MAML2: variants seen among roughly 807,000 people sequenced by gnomAD.
MAML2 encodes mastermind-like protein 2.
Under a neutral mutation model 96.1 loss-of-function variants are expected in MAML2, and 22 were observed. The ratio of observed to expected loss-of-function variants is 0.23; its 90% CI spans 0.16 to 0.33. The LOEUF (loss-of-function observed/expected upper bound fraction) is 0.33, where lower values mean the gene tolerates loss of function less well. Among genes scored for constraint, MAML2 ranks in the 10% least tolerant of loss-of-function variants. The pLI, the probability that MAML2 is intolerant of heterozygous loss-of-function variation, is 1.00. For synonymous variants in MAML2, 561 were observed against 521.3 expected (o/e 1.08, Z -1.04); for missense variants, 1,367 against 1,392.4 (o/e 0.98, Z 0.29).
chr11:96,025,618 A>G (rs576820265), intron 2 of MAML2, among the ~76,000 whole-genome samples: 1 of 152,348 alleles, frequency 6.6e-6, no homozygotes, highest in Admixed American at 6.5e-5. Context: ...CAATGGCACA[A>G]TCTCGGCTCA....
intron 1 of MAML2, among the ~76,000 whole-genome samples, chr11:96,243,323 G>C (rs1862462317): frequency 6.6e-6 from 1 of 152,154 alleles, no homozygotes; most frequent in South Asian, 2.1e-4. Flanking sequence ...CAAGGAGGCG[G>C]GGGAGGCGGG....
intron 1 of MAML2, among the ~76,000 whole-genome samples, chr11:96,317,445 G>T (rs1225761194): frequency 6.6e-6 from 1 of 152,130 alleles, no homozygotes; most frequent in Non-Finnish European, 1.5e-5. Context: ...TAGAGGCCCG[G>T]GAAATTATGA....
chr11:96,196,895 TC>T (rs1861741140), intron 1 of MAML2, among the ~76,000 whole-genome samples: 1 of 151,444 alleles, frequency 6.6e-6, no homozygotes, highest in East Asian at 1.9e-4. Flanking sequence ...TTTTTTTTTT[TC>T]AATAGGAGCC....
intron 2 of MAML2, among the ~76,000 whole-genome samples, chr11:96,060,222 T>A (rs1289770310): frequency 6.6e-6 from 1 of 152,230 alleles, no homozygotes; most frequent in East Asian, 1.9e-4. Flanking sequence ...AAATGTATGA[T>A]TAAATTTTCT....
chr11:96,036,389 T>C (rs1397655015), intron 2 of MAML2, among the ~76,000 whole-genome samples: 1 of 152,168 alleles, frequency 6.6e-6, no homozygotes, highest in Non-Finnish European at 1.5e-5. Flanking sequence ...TTTCATTCAT[T>C]TTAAACTCTT....
At chr11:96,007,451 T>G (rs368510134) in intron 2 of MAML2, among the ~76,000 whole-genome samples, 1 of 152,202 alleles carries the variant, frequency 6.6e-6, no homozygotes, top group African/African-American at 2.4e-5. Context: ...CTTTCCAACA[T>G]AGGTAACTGG....
At chr11:96,154,552 AATAAC>A (rs1225035231) in intron 1 of MAML2, among the ~76,000 whole-genome samples, 2 of 152,216 alleles carry the variant, frequency 1.3e-5, no homozygotes, top group Non-Finnish European at 2.9e-5. Context: ...GAATACTTAG[AATAAC>A]ATTGCAGAAG....
intron 2 of MAML2, among the ~76,000 whole-genome samples, chr11:96,073,704 C>A (rs1199120656): frequency 6.6e-6 from 1 of 152,134 alleles, no homozygotes; most frequent in African/African-American, 2.4e-5. Context: ...GTTGGCAGTG[C>A]CTTCCACATT....
At chr11:95,982,806 T>G (rs916896626) in intron 4 of MAML2, among the ~76,000 whole-genome samples, 4 of 152,072 alleles carry the variant, frequency 2.6e-5, no homozygotes, top group African/African-American at 9.7e-5. Flanking sequence ...TCCCATAAGA[T>G]TATAGTGGAG....
At chr11:96,103,003 A>G (rs1194054288) in intron 1 of MAML2, among the ~76,000 whole-genome samples, 2 of 152,206 alleles carry the variant, frequency 1.3e-5, no homozygotes, top group Non-Finnish European at 2.9e-5. Context: ...AAGTATCATT[A>G]ATCAAGTGGC....
At chr11:96,291,328 G>A (rs969694331) in intron 1 of MAML2, among the ~76,000 whole-genome samples, 6 of 151,964 alleles carry the variant, frequency 3.9e-5, no homozygotes, top group East Asian at 3.9e-4. Flanking sequence ...GTTACACCAC[G>A]TTGGCCAGGC....
intron 1 of MAML2, among the ~76,000 whole-genome samples, chr11:96,248,358 C>T (rs1228180781): frequency 1.3e-5 from 2 of 151,844 alleles, no homozygotes; most frequent in Non-Finnish European, 2.9e-5. Flanking sequence ...GTGATCCATC[C>T]ACCTTGGCCT....
intron 1 of MAML2, among the ~76,000 whole-genome samples, chr11:96,255,875 T>G (rs1374600639): frequency 6.8e-6 from 1 of 147,216 alleles, no homozygotes; most frequent in Non-Finnish European, 1.5e-5. Flanking sequence ...CTTTTTTTTT[T>G]TTTTTTTTTT....
intron 1 of MAML2, among the ~76,000 whole-genome samples, chr11:96,115,164 CT>C (rs949954264): frequency 1.1e-3 from 157 of 143,288 alleles, no homozygotes; most frequent in Admixed American, 1.5e-3. Flanking sequence ...TCTTTTTTTG[CT>C]TTTTTTTTTT....
intron 2 of MAML2, among the ~76,000 whole-genome samples, chr11:96,085,479 T>C (rs1027696594): frequency 7.2e-5 from 11 of 152,200 alleles, no homozygotes; most frequent in Non-Finnish European, 1.5e-4. Flanking sequence ...TGACATCTGA[T>C]TAGAAAAGGC....
chr11:95,982,333 C>T lies in MAML2; in HGVS notation c.2456-2370G>A, dbSNP rs150965260. Among the ~76,000 whole-genome samples, 8 of 139,424 alleles carry T rather than the reference C, an allele frequency of 5.7e-5. No individual in the cohort carries two copies. The East Asian group carries it at 1.8e-3, about 32-fold the overall frequency. The allele number at this position is 139,424 out of a possible 152,430, so 91.5% of individuals were successfully genotyped here. On this transcript the variant is annotated intron_variant, in intron 4 of 4. Transcript: ENST00000524717. ...AGAGCTTTGGTTTTAGAAACAGAGC[C>T]TTCTTTAGAAACAGAGCAATGTGCT...
At chr11:96,322,689 G>A (rs981447964) in intron 1 of MAML2, among the ~76,000 whole-genome samples, 3 of 152,020 alleles carry the variant, frequency 2.0e-5, no homozygotes, top group Admixed American at 2.0e-4. Context: ...GCGAGACTCC[G>A]TCTCAAAAAA....
chr11:96,073,944 A>T (rs545517400), intron 2 of MAML2, among the ~76,000 whole-genome samples: 76 of 152,318 alleles, frequency 5.0e-4, no homozygotes, highest in African/African-American at 1.8e-3. Flanking sequence ...AATAAGATTC[A>T]TGCAAGGGAT....
At chr11:96,098,443 G>C (rs2135818696) in intron 1 of MAML2, among the ~76,000 whole-genome samples, 1 of 152,252 alleles carries the variant, frequency 6.6e-6, no homozygotes, top group South Asian at 2.1e-4. Context: ...TATTTTGCAT[G>C]ATAAATCTGT....
Sources: allele counts gnomAD v4.1 joint callset (sites outside exome capture counted in the v4.1 genomes callset), GRCh38; gene constraint gnomAD v4.1.1; transcripts MANE v1.5; gene names NCBI Gene and HGNC (gene_info 2026-07-23, HGNC 2026-07-21).